Variants in GSDMC observed in about 807,000 individuals in gnomAD.
GSDMC encodes gasdermin-C.
A neutral mutation model predicts 58.0 loss-of-function variants in GSDMC; 59 were observed. The observed-to-expected ratio is 1.02, with a 90% CI of 0.82 to 1.26. The LOEUF is 1.26. Ranked by LOEUF, GSDMC falls within the 50% of genes most tolerant of loss-of-function variation. The probability of loss-of-function intolerance (pLI) is 0.00; values close to 1 mark genes in which losing one functional copy is unlikely to be tolerated. For missense variants in GSDMC, 659 were observed against 598.5 expected (o/e 1.10, Z -1.06); for synonymous variants, 241 against 220.2 (o/e 1.09, Z -0.83).
chr8:129,749,644 G>T, intron 12 of GSDMC, 119 bp from the exon 13 acceptor site: 1 of 770,794 alleles, frequency 1.3e-6, no homozygotes. Context: ...AAACCCATTA[G>T]ACTTGAAGGT....
the GSDMC span, chr8:129,729,712 G>A: frequency 7.6e-6 from 4 of 526,224 alleles, no homozygotes; most frequent in East Asian, 3.4e-5. Context: ...GTCTATCATT[G>A]ATGGACATTT....
At chr8:129,751,773 G>T in intron 9 of GSDMC, 89 bp downstream of exon 9, 2 of 1,372,030 alleles carry the variant, frequency 1.5e-6, no homozygotes, top group Admixed American at 3.4e-5. Flanking sequence ...GGCGGTGGTG[G>T]CAAAGGCGAG....
intron 3 of GSDMC, 112 bp from the exon 4 acceptor site, chr8:129,765,905 C>G: frequency 1.3e-6 from 1 of 752,994 alleles, no homozygotes; most frequent in Non-Finnish European, 2.1e-6. Context: ...GGCTTTGGAC[C>G]CTGACAGGTA....
chr8:129,718,404 C>T, the GSDMC span, among the ~76,000 whole-genome samples: 1 of 152,124 alleles, frequency 6.6e-6, no homozygotes, highest in East Asian at 1.9e-4. Flanking sequence ...ATTTATGCGG[C>T]CAACAAACAT....
chr8:129,727,260 G>C, the GSDMC span, among the ~76,000 whole-genome samples: 1 of 152,060 alleles, frequency 6.6e-6, no homozygotes, highest in East Asian at 1.9e-4. Flanking sequence ...TTTTTTTCAA[G>C]ATGGTGGATT....
chr8:129,773,778 T>G (rs903306241), intron 3 of GSDMC, among the ~76,000 whole-genome samples: 1 of 137,110 alleles, frequency 7.3e-6, no homozygotes, highest in African/African-American at 2.7e-5. Context: ...AGAGTGAGAC[T>G]CTGTCTCAAA....
the GSDMC span, among the ~76,000 whole-genome samples, chr8:129,735,075 G>A: frequency 1.1e-4 from 17 of 152,296 alleles, no homozygotes; most frequent in African/African-American, 3.6e-4. Context: ...TTACATAACA[G>A]TAAAGGGATC....
intron 3 of GSDMC, among the ~76,000 whole-genome samples, chr8:129,772,642 G>GA (rs2034100385): frequency 6.6e-6 from 1 of 152,038 alleles, no homozygotes; most frequent in Admixed American, 6.5e-5. Flanking sequence ...AAAAAGCTCC[G>GA]AAAAAACATG....
At chr8:129,760,220 G>C (rs758097214) in intron 6 of GSDMC, among the ~76,000 whole-genome samples, 2 of 152,124 alleles carry the variant, frequency 1.3e-5, no homozygotes, top group Admixed American at 1.3e-4. Flanking sequence ...AGGGTGGTGG[G>C]GGGTCTGGAG....
At chr8:129,730,930 A>C in the GSDMC span, among the ~76,000 whole-genome samples, 1 of 152,206 alleles carries the variant, frequency 6.6e-6, no homozygotes, top group African/African-American at 2.4e-5. Context: ...GCTTCTTTAC[A>C]GTAAGTAGAC....
chr8:129,751,934 C>T (rs1404879304), intron 8 of GSDMC, 43 bp from the exon 9 acceptor site: 2 of 1,588,784 alleles, frequency 1.3e-6, no homozygotes, highest in Admixed American at 1.7e-5. Flanking sequence ...GGCTCAAAGA[C>T]TAGATTTCTC....
chr8:129,782,638 A>C (rs555934405), intron 1 of GSDMC, among the ~76,000 whole-genome samples: 1 of 152,260 alleles, frequency 6.6e-6, no homozygotes, highest in South Asian at 2.1e-4. Flanking sequence ...AGAAACATAC[A>C]ACCTACCAAG....
the GSDMC span, among the ~76,000 whole-genome samples, chr8:129,716,900 T>C: frequency 6.6e-6 from 1 of 152,236 alleles, no homozygotes; most frequent in Non-Finnish European, 1.5e-5. Context: ...ATTGGTTCTG[T>C]TCATATGATG....
the GSDMC span, among the ~76,000 whole-genome samples, chr8:129,709,377 G>A: frequency 7.2e-5 from 11 of 152,232 alleles, no homozygotes; most frequent in Admixed American, 3.3e-4. Context: ...ATTGAATTAC[G>A]ACAGTGTTCA....
chr8:129,775,041 T>C (rs1364761377), intron 3 of GSDMC, among the ~76,000 whole-genome samples: 2 of 152,238 alleles, frequency 1.3e-5, no homozygotes, highest in African/African-American at 4.8e-5. Flanking sequence ...AACTACCATA[T>C]GATCCAGCAA....
chr8:129,729,270 G>T, the GSDMC span: 9 of 617,392 alleles, frequency 1.5e-5, no homozygotes, highest in Admixed American at 1.8e-4. Context: ...GTATCTGCCA[G>T]TATTGGGGGT....
In GSDMC at chr8:129,750,128, G is replaced by A. The variant is rs775589193; in HGVS notation, c.1084-9C>T. On this transcript the variant is annotated splice_polypyrimidine_tract_variant and intron_variant, in intron 11 of 13. Coordinates refer to ENST00000276708, the MANE Select transcript of GSDMC (RefSeq NM_031415.3). The stretch of plus-strand genomic sequence containing the variant: ...GAGCTGTCCAATTCCAGCTATAGAA[G>A]ACAGGTATTATTGTTAATAATAATA... 6.5e-7 allele frequency: 1 copy of A among 1,549,780 alleles called. No homozygotes were observed. Among genetic ancestry groups the A allele is most frequent in the South Asian group, 1.2e-5 (1 of 80,672 alleles).
intron 3 of GSDMC, among the ~76,000 whole-genome samples, chr8:129,770,873 T>C (rs960645917): frequency 1.3e-5 from 2 of 151,878 alleles, no homozygotes; most frequent in Non-Finnish European, 2.9e-5. Context: ...TCCAATGACC[T>C]GCTGCCTAAA....
chr8:129,750,285 T>C (rs1423620764), intron 11 of GSDMC, 146 bp downstream of exon 11: 6 of 1,038,508 alleles, frequency 5.8e-6, no homozygotes, highest in African/African-American at 3.2e-5. Context: ...CCCTGGCCCA[T>C]TGTGCCCGGC....
Sources: gnomAD v4.1 joint callset for allele counts (sites outside exome capture counted in the v4.1 genomes callset) on GRCh38, gnomAD v4.1.1 for gene constraint, MANE v1.5 for transcripts, NCBI Gene and HGNC (gene_info 2026-07-23, HGNC 2026-07-21) for gene names.